Variants in SGTA observed in about 807,000 individuals in gnomAD.
SGTA encodes small glutamine-rich tetratricopeptide repeat-containing protein alpha.
SGTA carries 22 observed loss-of-function variants against 44.3 expected under a neutral mutation model. The ratio of observed to expected loss-of-function variants is 0.50; its 90% CI spans 0.36 to 0.71. The LOEUF (loss-of-function observed/expected upper bound fraction) is 0.71. Ranked by LOEUF, SGTA falls within the 30% of genes least tolerant of loss-of-function variation. The pLI, the probability that SGTA is intolerant of heterozygous loss-of-function variation, is 0.00. For synonymous variants in SGTA, 174 were observed against 177.6 expected (o/e 0.98, Z 0.16); for missense variants, 341 against 435.9 (o/e 0.78, Z 1.94).
In SGTA at chr19:2,763,832, A is replaced by C; in HGVS notation, c.393-75T>G. 1 of 1,164,312 alleles carries C rather than the reference A, an allele frequency of 8.6e-7. No individual in the cohort carries two copies. The highest frequency in any genetic ancestry group is 2.5e-5 in the East Asian group (1 of 39,530). 72.1% of individuals were successfully genotyped at this position (1,164,312 alleles called of 1,614,324 possible). A position where few individuals can be genotyped will look rare whatever the true frequency, so the allele number is the denominator to read the frequency against. On this transcript the variant is annotated intron_variant, in intron 5 of 11. Coordinates refer to ENST00000221566, the MANE Select transcript of SGTA (RefSeq NM_003021.4). This position sits in a 1 kb window ranked among gnomAD's most constrained non-coding sequence, Gnocchi z 5.8. The stretch of plus-strand genomic sequence containing the variant: ...GCGGGCAGCCCTTGAGGGGAGCCTG[A>C]GAGCTGCGTTCCTCTCCAACTTCCT...
Position 2,757,762 on chromosome 19 carries a change from C to A in SGTA, c.758G>T (p.Gly253Val), listed in dbSNP as rs200270910. ...GGGAGTTCCCAAGGGGTTGTTGCCACCCGAAATCATGCCGGACATGCTGCA... is the reference window on the plus strand; with the variant it reads ...GGGAGTTCCCAAGGGGTTGTTGCCAACCGAAATCATGCCGGACATGCTGCA... The part of the protein sequence containing the change: ...IQQLMSGMIS[G>V]GNNPLGTPGT... The change falls in exon 10 of 12, where the codon GGT (glycine) becomes GTT (valine). Residue 253 changes from glycine (G) to valine (V), a missense_variant. Coordinates refer to ENST00000221566, the MANE Select transcript of SGTA (RefSeq NM_003021.4). 5.0e-6 allele frequency: 8 copies of A among 1,602,626 alleles called. No homozygotes were observed. In the East Asian group the frequency reaches 1.8e-4, roughly 36 times the overall value.
Position 2,763,525 on chromosome 19 carries a change from G to A in SGTA, c.497+128C>T, listed in dbSNP as rs1915059270. ...CGTTGGCTCCGAACAGCTAGTGTCA[G>A]AGTTGAACTGAACCGGGGTGGGAGA... On this transcript the variant is annotated intron_variant, in intron 6 of 11. Transcript: ENST00000221566. This position sits in a 1 kb window ranked among gnomAD's most constrained non-coding sequence, Gnocchi z 5.8. The A allele has an allele frequency of 3.1e-6, 2 of 639,440 alleles. No individual in the cohort carries two copies. Among genetic ancestry groups the A allele is most frequent in the Non-Finnish European group, 2.7e-6 (1 of 368,262 alleles). 39.6% of individuals were successfully genotyped at this position (639,440 alleles called of 1,614,324 possible).
chr19:2,762,219 C>T (rs1263174925), intron 7 of SGTA, among the ~76,000 whole-genome samples: 1 of 152,186 alleles, frequency 6.6e-6, no homozygotes, highest in East Asian at 1.9e-4. Context: ...CCCGAAGCCT[C>T]CTCACCCGGC....
chr19:2,774,409 G>A (rs1030076204), intron 1 of SGTA, among the ~76,000 whole-genome samples: 3 of 152,148 alleles, frequency 2.0e-5, no homozygotes, highest in African/African-American at 4.8e-5. Context: ...ACTGTGCTGC[G>A]GTCCCAGGAG....
chr19:2,758,214 G>A (rs776175296), intron 9 of SGTA, among the ~76,000 whole-genome samples: 8 of 152,196 alleles, frequency 5.3e-5, no homozygotes, highest in Non-Finnish European at 1.2e-4. Context: ...ACGGTGCTGT[G>A]GCTGGGAAAC....
At chr19:2,772,901 C>A (rs1389946015) in intron 1 of SGTA, among the ~76,000 whole-genome samples, 2 of 86,804 alleles carry the variant, frequency 2.3e-5, no homozygotes, top group Admixed American at 1.1e-4. Context: ...GGTGACGCGG[C>A]CACAGGGCAG....
chr19:2,764,576 T>A (rs958996669), intron 5 of SGTA, among the ~76,000 whole-genome samples: 1 of 151,240 alleles, frequency 6.6e-6, no homozygotes, highest in African/African-American at 2.4e-5. Flanking sequence ...TTTTGTGGTT[T>A]TTTTCGGGGT....
intron 1 of SGTA, among the ~76,000 whole-genome samples, chr19:2,778,408 T>C (rs1599509758): frequency 6.6e-6 from 1 of 152,104 alleles, no homozygotes. Flanking sequence ...AAGAGTTGCA[T>C]TCACTGAGTC....
rs1420216381 is a variant in SGTA at position 2,763,840 on chromosome 19, G to A, written c.393-83C>T. On this transcript the variant is annotated intron_variant, in intron 5 of 11. Coordinates refer to ENST00000221566, the MANE Select transcript of SGTA (RefSeq NM_003021.4). The surrounding 1 kb of genome is among the most constrained non-coding windows in gnomAD (Gnocchi z 5.8). ...CCCTTGAGGGGAGCCTGAGAGCTGC[G>A]TTCCTCTCCAACTTCCTGGAGGAAC... The A allele has an allele frequency of 1.4e-5, 15 of 1,057,226 alleles. No homozygotes were observed. In the East Asian group the frequency reaches 1.8e-4, roughly 13 times the overall value. 65.5% of individuals were successfully genotyped at this position (1,057,226 alleles called of 1,614,324 possible). A position where few individuals can be genotyped will look rare whatever the true frequency, so the allele number is the denominator to read the frequency against.
intron 11 of SGTA, among the ~76,000 whole-genome samples, chr19:2,756,791 C>A (rs1398626827): frequency 1.3e-5 from 2 of 152,132 alleles, no homozygotes; most frequent in African/African-American, 4.8e-5. Context: ...CCCTGGAACC[C>A]ATGGGGGACA....
rs2144731085 is a variant in SGTA at position 2,768,827 on chromosome 19, C to G, written c.100+142G>C. ...CGGCCGGGGGCTGTGTGGCCCTGGGCAGACCCCTGCCCTCTCTGGGCTTAG... is the reference window on the plus strand; with the variant it reads ...CGGCCGGGGGCTGTGTGGCCCTGGGGAGACCCCTGCCCTCTCTGGGCTTAG... On this transcript the variant is annotated intron_variant, in intron 2 of 11. Coordinates refer to ENST00000221566, the MANE Select transcript of SGTA (RefSeq NM_003021.4). 4.6e-6 allele frequency: 3 copies of G among 651,090 alleles called. No homozygotes were observed. In the South Asian group the frequency reaches 5.5e-5, roughly 12 times the overall value. 40.3% of individuals were successfully genotyped at this position (651,090 alleles called of 1,614,324 possible). A position where few individuals can be genotyped will look rare whatever the true frequency, so the allele number is the denominator to read the frequency against.
At chr19:2,769,702 G>C (rs1011270811) in intron 1 of SGTA, among the ~76,000 whole-genome samples, 1 of 152,028 alleles carries the variant, frequency 6.6e-6, no homozygotes, top group Non-Finnish European at 1.5e-5. Context: ...GACCCGTCTT[G>C]TTCCCCCTGG....
At chr19:2,769,166 T>G in intron 1 of SGTA, 75 bp from the exon 2 acceptor site, 1 of 829,684 alleles carries the variant, frequency 1.2e-6, no homozygotes, top group Non-Finnish European at 2.0e-6. Flanking sequence ...TGCCCCTAAC[T>G]AGCTGGGCCT....
intron 8 of SGTA, among the ~76,000 whole-genome samples, chr19:2,760,542 C>CAAAAAA (rs1363728584): frequency 7.0e-6 from 1 of 142,730 alleles, no homozygotes; most frequent in African/African-American, 2.7e-5. Context: ...AAAAAAAAAC[C>CAAAAAA]AAAAAAAACT....
Position 2,755,525 on chromosome 19 carries a change from G to A in SGTA, c.*415C>T. ...GCTTCTCACAGACGGGAGAGTTCCT[G>A]CAGACAGACCACGGGATGGGGGGCG... On this transcript the variant is annotated 3_prime_UTR_variant, in exon 12 of 12. Transcript: ENST00000221566. The surrounding 1 kb of genome is among the most constrained non-coding windows in gnomAD (Gnocchi z 5.2). 2.0e-6 allele frequency: 2 copies of A among 986,482 alleles called. No individual in the cohort carries two copies. Among genetic ancestry groups the A allele is most frequent in the Non-Finnish European group, 2.4e-6 (2 of 830,004 alleles). 61.1% of individuals were successfully genotyped at this position (986,482 alleles called of 1,614,324 possible).
intron 1 of SGTA, among the ~76,000 whole-genome samples, chr19:2,775,618 T>C (rs1171836266): frequency 6.6e-6 from 1 of 152,048 alleles, no homozygotes. Flanking sequence ...TCCATTTCTA[T>C]GAAATGTCCA....
chr19:2,774,860 A>ATGTG (rs372876808), intron 1 of SGTA, among the ~76,000 whole-genome samples: 2 of 151,952 alleles, frequency 1.3e-5, no homozygotes, highest in Non-Finnish European at 2.9e-5. Flanking sequence ...GTGCGCGCGC[A>ATGTG]TGTGTGTGTG....
Position 2,767,195 on chromosome 19 carries a change from G to A in SGTA, c.233C>T (p.Pro78Leu). ...CTCCTCGGAAGGCGGGGTTCGCGCG[G>A]GGCTCCTCAGGTCCTGCGGCATCTC... ...GKEMPQDLRSPARTPPSEEDS... is the reference protein window; with the variant it reads ...GKEMPQDLRSLARTPPSEEDS... The change falls in exon 4 of 12, where the codon CCC (proline) becomes CTC (leucine). Residue 78 changes from proline (P) to leucine (L), a missense_variant. By Grantham distance (98) the Pro-to-Leu change is moderately conservative (BLOSUM62 -3). Transcript: ENST00000221566. This position sits in a 1 kb window ranked among gnomAD's most constrained non-coding sequence, Gnocchi z 7.3. 1 of 1,611,710 alleles carries A rather than the reference G, an allele frequency of 6.2e-7. No homozygotes were observed. Among genetic ancestry groups the A allele is most frequent in the Non-Finnish European group, 8.5e-7 (1 of 1,179,308 alleles).
chr19:2,779,266 C>T (rs544680707), intron 1 of SGTA, among the ~76,000 whole-genome samples: 2 of 152,086 alleles, frequency 1.3e-5, no homozygotes, highest in East Asian at 1.9e-4. Flanking sequence ...TGCGGGTCCA[C>T]GGTGGAGGAC....
Sources: gnomAD v4.1 joint callset for allele counts (sites outside exome capture counted in the v4.1 genomes callset) on GRCh38, gnomAD v4.1.1 for gene constraint, Gnocchi (gnomAD v3.1) non-coding constraint, MANE v1.5 for transcripts, NCBI Gene and HGNC (gene_info 2026-07-23, HGNC 2026-07-21) for gene names.